FOXK2: variants seen among roughly 807,000 people sequenced by gnomAD.
FOXK2 encodes forkhead box protein K2.
In FOXK2, 24 loss-of-function variants were observed where a neutral mutation model predicts 53.3. That is an observed-to-expected ratio of 0.45 (90% CI 0.33 to 0.63). The LOEUF is 0.63. FOXK2 is among the 30% of genes least tolerant of loss of function. The pLI is 0.03. For missense variants in FOXK2, 952 were observed against 910.5 expected, an observed-to-expected ratio of 1.05 and a Z score of -0.59; for synonymous variants, 505 against 407.1, an observed-to-expected ratio of 1.24 and a Z score of -2.89.
intron 1 of FOXK2, among the ~76,000 whole-genome samples, chr17:82,552,977 C>T (rs537029936): frequency 2.0e-5 from 3 of 152,272 alleles, no homozygotes; most frequent in South Asian, 2.1e-4. Context: ...GCTCTGTTGC[C>T]GAGGCTGCAG....
At position 82,563,729 on chromosome 17, in the gene FOXK2, CT is replaced by C. The variant is rs1395281363; in HGVS notation, c.614+182del. On this transcript the variant is annotated intron_variant, in intron 2 of 8. Transcript: ENST00000335255. ...TATGAAATGCAGTTCCCAAAGGTTC[CT>C]GGTTTTTATTTACTCATTCCCTTTT... Among the ~76,000 whole-genome samples the C allele has an allele frequency of 2.7e-5, 4 of 150,312 alleles. No individual in the cohort carries two copies. In the Admixed American group the frequency reaches 2.7e-4, roughly 10 times the overall value.
chr17:82,560,189 T>C (rs1005083275), intron 1 of FOXK2, among the ~76,000 whole-genome samples: 1 of 151,860 alleles, frequency 6.6e-6, no homozygotes, highest in African/African-American at 2.4e-5. Context: ...TTTGTATTTT[T>C]AGTAGAGATG....
chr17:82,520,907 AG>A (rs1321380500), intron 1 of FOXK2, among the ~76,000 whole-genome samples: 1 of 152,210 alleles, frequency 6.6e-6, no homozygotes, highest in Non-Finnish European at 1.5e-5. Context: ...CTTAAAATTT[AG>A]GGAAAACTAG....
intron 1 of FOXK2, among the ~76,000 whole-genome samples, chr17:82,549,723 G>T (rs1292832411): frequency 1.3e-5 from 2 of 152,214 alleles, no homozygotes; most frequent in Non-Finnish European, 1.5e-5. Flanking sequence ...TGCGTTGTTG[G>T]AACACCTAAC....
At position 82,584,109 on chromosome 17, in the gene FOXK2, C is replaced by T. The variant is rs530148354; in HGVS notation, c.1200C>T (p.Ala400=). The T allele has an allele frequency of 1.2e-6, 2 of 1,611,316 alleles. No individual in the cohort carries two copies. The highest frequency in any genetic ancestry group is 1.7e-5 in the Admixed American group (1 of 59,966). ...GCCTGTCGAGGGAAGGTTCGCCGGC[C>T]CCCCTGGAGCCTGAGCCTGGCGCTG... ...PESLSREGSP[A]PLEPEPGAAQ... The change falls in exon 6 of 9, where the codon GCC becomes GCT. Residue 400 remains alanine (A), a synonymous_variant. Coordinates refer to ENST00000335255, the MANE Select transcript of FOXK2 (RefSeq NM_004514.4).
intron 1 of FOXK2, among the ~76,000 whole-genome samples, chr17:82,557,125 C>T (rs1156474243): frequency 6.6e-6 from 1 of 151,644 alleles, no homozygotes; most frequent in Non-Finnish European, 1.5e-5. Flanking sequence ...CTCCACCTCC[C>T]AGGCTCAAGC....
At chr17:82,596,156 T>C in intron 8 of FOXK2, 1 of 1,026,202 alleles carries the variant, frequency 9.7e-7, no homozygotes, top group South Asian at 3.4e-5. Context: ...GCATCTGAGG[T>C]GGTCACGGGG....
At chr17:82,534,392 G>A (rs1446580491) in intron 1 of FOXK2, among the ~76,000 whole-genome samples, 1 of 152,222 alleles carries the variant, frequency 6.6e-6, no homozygotes, top group Non-Finnish European at 1.5e-5. Flanking sequence ...GATAGTTGTT[G>A]CGGCTCTAAT....
At chr17:82,544,286 A>G (rs2044601994) in intron 1 of FOXK2, among the ~76,000 whole-genome samples, 2 of 152,246 alleles carry the variant, frequency 1.3e-5, no homozygotes. Flanking sequence ...AGTGACAACA[A>G]CAAAAATACT....
intron 1 of FOXK2, among the ~76,000 whole-genome samples, chr17:82,556,834 T>C (rs1023304674): frequency 6.6e-6 from 1 of 151,618 alleles, no homozygotes; most frequent in Non-Finnish European, 1.5e-5. Flanking sequence ...TCCTGAGTAA[T>C]TGGGATTACA....
intron 1 of FOXK2, among the ~76,000 whole-genome samples, chr17:82,538,949 T>C (rs2044547234): frequency 6.6e-6 from 1 of 152,266 alleles, no homozygotes. Context: ...CTTCTTCCTC[T>C]CCTGGTTTAT....
At chr17:82,585,432 C>T (rs547702724) in intron 6 of FOXK2, among the ~76,000 whole-genome samples, 46 of 152,226 alleles carry the variant, frequency 3.0e-4, no homozygotes, top group African/African-American at 4.8e-4. Context: ...TCAAGCAATC[C>T]GCCCTCCTCA....
chr17:82,558,309 A>T (rs903069799), intron 1 of FOXK2, among the ~76,000 whole-genome samples: 1 of 152,190 alleles, frequency 6.6e-6, no homozygotes, highest in Non-Finnish European at 1.5e-5. Context: ...CTGCACTCCA[A>T]CCTGGGCTAC....
chr17:82,597,559 T>C (rs985947168), intron 8 of FOXK2, among the ~76,000 whole-genome samples: 1 of 152,256 alleles, frequency 6.6e-6, no homozygotes, highest in African/African-American at 2.4e-5. Flanking sequence ...CAGGGCTCCA[T>C]GTGGGGTCTC....
rs980686649 is a variant in FOXK2 at position 82,522,110 on chromosome 17, G to A, written c.419+1803G>A. Among the ~76,000 whole-genome samples, 14 of 146,694 alleles carry A rather than the reference G, an allele frequency of 9.5e-5. No homozygotes were observed. The South Asian group carries it at 1.3e-3, about 13-fold the overall frequency. On this transcript the variant is annotated intron_variant, in intron 1 of 8. Coordinates refer to ENST00000335255, the MANE Select transcript of FOXK2 (RefSeq NM_004514.4). ...CAAAGGAAGTTTGCGTCTACTGTGA[G>A]GATCTTGAGTTTTTGTTTGTTTGTT...
intron 1 of FOXK2, among the ~76,000 whole-genome samples, chr17:82,539,673 T>C (rs1432291982): frequency 7.0e-6 from 1 of 141,964 alleles, no homozygotes; most frequent in Admixed American, 7.0e-5. Flanking sequence ...TTAAAAAATA[T>C]ATGTAAATGG....
At chr17:82,566,347 C>G (rs542793641) in intron 2 of FOXK2, among the ~76,000 whole-genome samples, 3 of 152,196 alleles carry the variant, frequency 2.0e-5, no homozygotes, top group African/African-American at 7.2e-5. Flanking sequence ...CTGGTGCTGT[C>G]TGAGAGTCGC....
rs762806609 is a variant in FOXK2, at chr17:82,563,587, C to T, written c.614+39C>T. 3.8e-6 allele frequency: 6 copies of T among 1,565,240 alleles called. No homozygotes were observed. The South Asian group carries it at 6.9e-5, about 18-fold the overall frequency. On this transcript the variant is annotated intron_variant, in intron 2 of 8. Coordinates refer to ENST00000335255, the MANE Select transcript of FOXK2 (RefSeq NM_004514.4). ...GATGGGGGACTGGAGCATCCTTAGT[C>T]CCAGTGGCAGCCCCAAGTAACGCCT...
chr17:82,547,356 C>G (rs1383170326), intron 1 of FOXK2, among the ~76,000 whole-genome samples: 2 of 151,970 alleles, frequency 1.3e-5, no homozygotes, highest in Non-Finnish European at 2.9e-5. Context: ...CTAACAAGAG[C>G]TGGTAAGCTG....
Sources: gnomAD v4.1 joint callset for allele counts (sites outside exome capture counted in the v4.1 genomes callset) on GRCh38, gnomAD v4.1.1 for gene constraint, MANE v1.5 for transcripts, NCBI Gene and HGNC (gene_info 2026-07-23, HGNC 2026-07-21) for gene names.